CHST11: variants seen among roughly 807,000 people sequenced by gnomAD.
CHST11 encodes C4S-1.
CHST11 carries 9 observed loss-of-function variants against 30.4 expected under a neutral mutation model. The ratio of observed to expected loss-of-function variants is 0.30; its 90% confidence interval spans 0.18 to 0.52. CHST11 has a LOEUF of 0.52. CHST11 is among the 20% of genes least tolerant of loss of function. The pLI is 0.97. For missense variants in CHST11, 348 were observed against 460.6 expected (o/e 0.76, Z 2.24); for synonymous variants, 152 against 187.8 (o/e 0.81, Z 1.56).
intron 2 of CHST11, among the ~76,000 whole-genome samples, chr12:104,688,080 C>A (rs1247424058): frequency 6.6e-6 from 1 of 152,170 alleles, no homozygotes; most frequent in Non-Finnish European, 1.5e-5. Context: ...AAGATGTGGT[C>A]ATTTGTGTGG....
chr12:104,520,174 C>T (rs147688895), intron 1 of CHST11, among the ~76,000 whole-genome samples: 4 of 152,344 alleles, frequency 2.6e-5, no homozygotes, highest in East Asian at 3.9e-4. Context: ...GTTCACTGCT[C>T]ATCAGCTGGG....
At chr12:104,690,261 A>T (rs577109962) in intron 2 of CHST11, among the ~76,000 whole-genome samples, 8 of 152,328 alleles carry the variant, frequency 5.3e-5, no homozygotes, top group Non-Finnish European at 7.3e-5. Flanking sequence ...TTGCATTGGA[A>T]GGATTTTGTT....
At chr12:104,634,489 G>A (rs574079061) in intron 2 of CHST11, among the ~76,000 whole-genome samples, 12 of 152,226 alleles carry the variant, frequency 7.9e-5, no homozygotes, top group Non-Finnish European at 1.8e-4. Context: ...TCCAGGGCCC[G>A]CAGGATGCTC....
chr12:104,699,942 C>T (rs2039977838), intron 2 of CHST11, among the ~76,000 whole-genome samples: 1 of 152,196 alleles, frequency 6.6e-6, no homozygotes, highest in South Asian at 2.1e-4. Flanking sequence ...CTCTTGGTTC[C>T]ACTCAAAACT....
intron 1 of CHST11, among the ~76,000 whole-genome samples, chr12:104,494,253 C>T (rs569872283): frequency 6.6e-6 from 1 of 152,290 alleles, no homozygotes; most frequent in East Asian, 1.9e-4. Flanking sequence ...CGATGAGAGA[C>T]AGAGCCTGCA....
intron 1 of CHST11, chr12:104,514,158 A>G (rs1226181778): frequency 1.9e-6 from 2 of 1,041,264 alleles, no homozygotes; most frequent in African/African-American, 1.6e-5. Context: ...TTCCTACAGC[A>G]GTTCCCTACT....
At chr12:104,754,231 G>A (rs1218700262) in intron 2 of CHST11, among the ~76,000 whole-genome samples, 1 of 152,178 alleles carries the variant, frequency 6.6e-6, no homozygotes, top group Non-Finnish European at 1.5e-5. Context: ...TCGTATCCCG[G>A]CTAGGACCCT....
intron 2 of CHST11, among the ~76,000 whole-genome samples, chr12:104,693,327 G>C (rs1232163409): frequency 6.6e-6 from 1 of 152,230 alleles, no homozygotes; most frequent in Non-Finnish European, 1.5e-5. Flanking sequence ...AAAATGGAGG[G>C]CTGAGATTGG....
At chr12:104,500,052 A>G (rs940383506) in intron 1 of CHST11, among the ~76,000 whole-genome samples, 1 of 152,176 alleles carries the variant, frequency 6.6e-6, no homozygotes, top group African/African-American at 2.4e-5. Context: ...GTCTTTTGAG[A>G]TGCATTTGCT....
intron 2 of CHST11, among the ~76,000 whole-genome samples, chr12:104,726,553 T>A (rs1248710610): frequency 2.6e-5 from 4 of 151,674 alleles, no homozygotes; most frequent in Admixed American, 2.6e-4. Flanking sequence ...CACTGGGAGG[T>A]GGACAGAGGA....
At chr12:104,618,315 C>T (rs1479565384) in intron 2 of CHST11, among the ~76,000 whole-genome samples, 1 of 150,190 alleles carries the variant, frequency 6.7e-6, no homozygotes, top group Non-Finnish European at 1.5e-5. Flanking sequence ...GTTTGGCTTC[C>T]TGGGCGCAAG....
chr12:104,622,027 C>T (rs2039164266), intron 2 of CHST11, among the ~76,000 whole-genome samples: 1 of 152,160 alleles, frequency 6.6e-6, no homozygotes, highest in Admixed American at 6.5e-5. Flanking sequence ...TGTGAAAATG[C>T]CTGGCAAATC....
chr12:104,732,513 C>G (rs1412041951), intron 2 of CHST11, among the ~76,000 whole-genome samples: 1 of 152,192 alleles, frequency 6.6e-6, no homozygotes, highest in Non-Finnish European at 1.5e-5. Flanking sequence ...CCTTCTTGCC[C>G]TATCTCTGAG....
At chr12:104,644,254 C>A (rs1443920841) in intron 2 of CHST11, among the ~76,000 whole-genome samples, 1 of 152,200 alleles carries the variant, frequency 6.6e-6, no homozygotes, top group Non-Finnish European at 1.5e-5. Flanking sequence ...ACCTTCCCTG[C>A]ATCTGGGTGG....
chr12:104,511,406 C>G (rs559981494), intron 1 of CHST11, among the ~76,000 whole-genome samples: 1 of 152,160 alleles, frequency 6.6e-6, no homozygotes, highest in Non-Finnish European at 1.5e-5. Context: ...ATAGAAGGCT[C>G]GTGTGATATG....
chr12:104,613,837 G>C (rs1171693003), intron 2 of CHST11, among the ~76,000 whole-genome samples: 1 of 152,202 alleles, frequency 6.6e-6, no homozygotes, highest in East Asian at 1.9e-4. Context: ...TCACTTATAT[G>C]TAGAATCTAA....
intron 2 of CHST11, chr12:104,602,274 G>A: frequency 2.1e-6 from 1 of 472,712 alleles, no homozygotes; most frequent in Non-Finnish European, 3.7e-6. Context: ...TTCGAGCAAT[G>A]GGACTCGGGA....
Position 104,544,180 on chromosome 12 carries a change from A to AAGAAAGAAAGAAAGAAAGAC in CHST11, c.119-57723_119-57722insAAGAAAGAAAGAAAGACAGA, listed in dbSNP as rs1182750741. ...AAAGAAAGAAAGAAAGAAAGAAAGA[A>AAGAAAGAAAGAAAGAAAGAC]AGACCTGAAAAGAACTAATTAACGC... On this transcript the variant is annotated intron_variant, in intron 1 of 2. Coordinates refer to ENST00000303694, the MANE Select transcript of CHST11 (RefSeq NM_018413.6). Among the ~76,000 whole-genome samples the AAGAAAGAAAGAAAGAAAGAC allele has an allele frequency of 2.7e-3, 402 of 148,576 alleles. 6 individuals are homozygous for AAGAAAGAAAGAAAGAAAGAC. Among genetic ancestry groups the AAGAAAGAAAGAAAGAAAGAC allele is most frequent in the African/African-American group, 9.7e-3 (386 of 39,672 alleles).
intron 1 of CHST11, among the ~76,000 whole-genome samples, chr12:104,545,009 G>A (rs896859389): frequency 2.6e-5 from 4 of 152,118 alleles, no homozygotes; most frequent in African/African-American, 9.7e-5. Flanking sequence ...GAGGCATGCA[G>A]GAATGGCCAG....
Sources: gnomAD v4.1 joint callset for allele counts (sites outside exome capture counted in the v4.1 genomes callset) on GRCh38, gnomAD v4.1.1 for gene constraint, MANE v1.5 for transcripts, NCBI Gene and HGNC (gene_info 2026-07-23, HGNC 2026-07-21) for gene names.